Variants in TFDP1 observed in about 807,000 individuals in gnomAD.
The protein encoded by TFDP1 is DRTF1-polypeptide 1.
In TFDP1, 6 loss-of-function variants were observed where a neutral mutation model predicts 48.0. The observed-to-expected ratio is 0.13, with a 90% CI of 0.07 to 0.25. The LOEUF (loss-of-function observed/expected upper bound fraction) is 0.25, where lower values mean the gene tolerates loss of function less well. Ranked by LOEUF, TFDP1 falls within the 10% of genes least tolerant of loss-of-function variation. The pLI is 1.00. For missense variants in TFDP1, 335 were observed against 543.0 expected, an observed-to-expected ratio of 0.62 and a Z score of 3.81; for synonymous variants, 201 against 211.6, an observed-to-expected ratio of 0.95 and a Z score of 0.44.
intron 3 of TFDP1, among the ~76,000 whole-genome samples, chr13:113,613,056 G>A (rs1354459470): frequency 1.3e-5 from 2 of 152,164 alleles, no homozygotes; most frequent in African/African-American, 2.4e-5. Flanking sequence ...TCACTCTGTC[G>A]CCCAGGCTGG....
intron 2 of TFDP1, among the ~76,000 whole-genome samples, chr13:113,605,466 G>C (rs114316397): frequency 1.2e-3 from 177 of 152,328 alleles, no homozygotes; most frequent in African/African-American, 4.0e-3. Context: ...ACAATAAGCT[G>C]TCTTCTCCCA....
rs534210651 is a variant in TFDP1, at chr13:113,594,195, C to T, written c.12+8346C>T. ...GACAGGTGTGCTGTGTGCAGGTCCT[C>T]ACCCAGCCAGGTGACAGGTGTGGTG... On this transcript the variant is annotated intron_variant, in intron 2 of 11. Transcript: ENST00000375370. Among the ~76,000 whole-genome samples the T allele has an allele frequency of 4.8e-5, 7 of 146,610 alleles. No individual in the cohort carries two copies. The East Asian group carries it at 1.3e-3, about 26-fold the overall frequency.
At chr13:113,625,899 A>ACGTGTCCT in intron 4 of TFDP1, among the ~76,000 whole-genome samples, 5 of 135,238 alleles carry the variant, frequency 3.7e-5, no homozygotes, top group South Asian at 2.4e-4. Context: ...GGTGTCTCTC[A>ACGTGTCCT]CATGTCCTCA....
intron 2 of TFDP1, among the ~76,000 whole-genome samples, chr13:113,601,771 A>G (rs1341674313): frequency 6.6e-6 from 1 of 152,248 alleles, no homozygotes; most frequent in Non-Finnish European, 1.5e-5. Flanking sequence ...AGGGAGGAGC[A>G]GAGAGAGTTC....
intron 4 of TFDP1, among the ~76,000 whole-genome samples, chr13:113,624,409 C>T (rs2049069820): frequency 6.6e-6 from 1 of 150,856 alleles, no homozygotes; most frequent in Non-Finnish European, 1.5e-5. Flanking sequence ...CAGGCATCCC[C>T]AGGTGTCCTC....
chr13:113,607,069 C>T lies in TFDP1; in HGVS notation c.13-3927C>T, dbSNP rs2048587923. Among the ~76,000 whole-genome samples the T allele has an allele frequency of 1.3e-5, 2 of 152,258 alleles. No homozygotes were observed. Among genetic ancestry groups the T allele is most frequent in the South Asian group, 4.1e-4 (2 of 4,836 alleles). ...GTCCGTGGTTCTTAGCTGAGGGTGG[C>T]TTTGCAGTGTCCGGAGATGATTCTG... On this transcript the variant is annotated intron_variant, in intron 2 of 11. Transcript: ENST00000375370. This position sits in a 1 kb window ranked among gnomAD's most constrained non-coding sequence, Gnocchi z 5.2.
At chr13:113,618,495 TG>T (rs1298182044) in intron 3 of TFDP1, among the ~76,000 whole-genome samples, 1 of 152,208 alleles carries the variant, frequency 6.6e-6, no homozygotes, top group Non-Finnish European at 1.5e-5. Context: ...CACTCCAGCC[TG>T]GGTGACAGAG....
chr13:113,634,091 AGTC>A, intron 7 of TFDP1, 58 bp downstream of exon 7: 7 of 1,611,370 alleles, frequency 4.3e-6, no homozygotes, highest in Non-Finnish European at 5.9e-6. Context: ...TAGATGTTTT[AGTC>A]GTCGGTCACT....
At chr13:113,586,125 G>T (rs1030372073) in intron 2 of TFDP1, 2 of 347,700 alleles carry the variant, frequency 5.8e-6, no homozygotes, top group South Asian at 2.1e-4. Context: ...TACCGACTGT[G>T]TTAATTGATA....
intron 3 of TFDP1, among the ~76,000 whole-genome samples, chr13:113,620,641 C>T (rs2048974762): frequency 6.6e-6 from 1 of 152,330 alleles, no homozygotes; most frequent in South Asian, 2.1e-4. Context: ...GTAAGTATTA[C>T]ACCGTGTATA....
At chr13:113,624,257 C>T (rs1404306223) in intron 4 of TFDP1, among the ~76,000 whole-genome samples, 1 of 152,174 alleles carries the variant, frequency 6.6e-6, no homozygotes, top group Non-Finnish European at 1.5e-5. Flanking sequence ...GGATTGAACA[C>T]CTCCGGGTGG....
At chr13:113,589,470 G>C (rs2048086875) in intron 2 of TFDP1, among the ~76,000 whole-genome samples, 1 of 152,210 alleles carries the variant, frequency 6.6e-6, no homozygotes, top group South Asian at 2.1e-4. Flanking sequence ...CCCGGTCTGT[G>C]ATAGCCTCAG....
At chr13:113,589,200 C>T (rs911930856) in intron 2 of TFDP1, among the ~76,000 whole-genome samples, 1 of 152,124 alleles carries the variant, frequency 6.6e-6, no homozygotes, top group Non-Finnish European at 1.5e-5. Flanking sequence ...TTTTATTGCA[C>T]TTATTTGAAT....
intron 2 of TFDP1, among the ~76,000 whole-genome samples, chr13:113,608,075 C>T (rs1015101188): frequency 1.3e-5 from 2 of 152,140 alleles, no homozygotes; most frequent in African/African-American, 4.8e-5. Context: ...CTGGGCGGGG[C>T]TCCTCTGTTG....
chr13:113,614,267 TGA>T (rs2048801165), intron 3 of TFDP1, among the ~76,000 whole-genome samples: 1 of 152,070 alleles, frequency 6.6e-6, no homozygotes, highest in East Asian at 1.9e-4. Flanking sequence ...TGCGTGTGTG[TGA>T]GTTGTGTGTG....
At position 113,598,687 on chromosome 13, in the gene TFDP1, G is replaced by A. The variant is rs916929070; in HGVS notation, c.13-12309G>A. 2.6e-5 allele frequency among the ~76,000 whole-genome samples: 4 copies of A among 152,310 alleles called. No homozygotes were observed. In the East Asian group the frequency reaches 5.8e-4, roughly 22 times the overall value. On this transcript the variant is annotated intron_variant, in intron 2 of 11. Transcript: ENST00000375370. This position sits in a 1 kb window ranked among gnomAD's most constrained non-coding sequence, Gnocchi z 4.2. ...TGTTGCCCTCCTGGGTGGAGTCTGC[G>A]TCCCCCTTTCCTGGTCATTTAAGTT...
intron 8 of TFDP1, 64 bp from the exon 9 acceptor site, chr13:113,635,913 C>G (rs1309110193): frequency 6.4e-7 from 1 of 1,565,066 alleles, no homozygotes; most frequent in African/African-American, 1.4e-5. Context: ...GTGAGGACCC[C>G]TCGAGCACAG....
In TFDP1 at chr13:113,633,756, C is replaced by T. The variant is rs886982662; in HGVS notation, c.475-134C>T. 1.2e-5 allele frequency: 12 copies of T among 1,043,240 alleles called. No individual in the cohort carries two copies. The highest frequency in any genetic ancestry group is 1.5e-5 in the Non-Finnish European group (11 of 714,800). The allele number at this position is 1,043,240 out of a possible 1,614,324, so 64.6% of individuals were successfully genotyped here. A position where few individuals can be genotyped will look rare whatever the true frequency, so the allele number is the denominator to read the frequency against. ...CCCTGCGTCATCTGTGGGGTGGGAG[C>T]GCTCCCTGAGGGCATGTTGGGGTGG... On this transcript the variant is annotated intron_variant, in intron 6 of 11. Transcript: ENST00000375370. This position sits in a 1 kb window ranked among gnomAD's most constrained non-coding sequence, Gnocchi z 4.5.
At chr13:113,608,100 G>A (rs1156920812) in intron 2 of TFDP1, among the ~76,000 whole-genome samples, 2 of 152,134 alleles carry the variant, frequency 1.3e-5, no homozygotes, top group Non-Finnish European at 2.9e-5. Context: ...CTGACTTGCT[G>A]GCATTTCATG....
Sources: allele counts gnomAD v4.1 joint callset (sites outside exome capture counted in the v4.1 genomes callset), GRCh38; gene constraint gnomAD v4.1.1; non-coding constraint Gnocchi (gnomAD v3.1); transcripts MANE v1.5; gene names NCBI Gene and HGNC (gene_info 2026-07-23, HGNC 2026-07-21).